The following SUCLG2 variants were observed in gnomAD, a reference collection of about 807,000 sequenced individuals.
SUCLG2 encodes succinate--CoA ligase [GDP-forming] subunit beta, mitochondrial.
In SUCLG2, 42 loss-of-function variants were observed where a neutral mutation model predicts 47.9. The ratio of observed to expected loss-of-function variants is 0.88; its 90% CI spans 0.69 to 1.14. The LOEUF (loss-of-function observed/expected upper bound fraction) is 1.14, where lower values mean the gene tolerates loss of function less well. Among genes scored for constraint, SUCLG2 ranks in the 50% most tolerant of loss-of-function variants. The pLI is 0.00. For missense variants in SUCLG2, 571 were observed against 525.9 expected (o/e 1.09, Z -0.84); for synonymous variants, 195 against 197.3 (o/e 0.99, Z 0.10).
chr3:67,380,070 G>A (rs1206032497), intron 10 of SUCLG2, among the ~76,000 whole-genome samples: 5 of 152,138 alleles, frequency 3.3e-5, no homozygotes, highest in East Asian at 1.9e-4. Context: ...AGGAGTGGGC[G>A]GGTACTTTTT....
intron 10 of SUCLG2, among the ~76,000 whole-genome samples, chr3:67,369,008 G>A (rs534489500): frequency 1.3e-5 from 2 of 152,094 alleles, no homozygotes; most frequent in African/African-American, 2.4e-5. Flanking sequence ...GACATTTTGG[G>A]TAGAAAACTC....
At chr3:67,365,877 T>C (rs113072659) in intron 10 of SUCLG2, among the ~76,000 whole-genome samples, 3 of 152,206 alleles carry the variant, frequency 2.0e-5, no homozygotes, top group Admixed American at 6.5e-5. Context: ...ACAGGCAGTT[T>C]GCGTATTTAA....
intron 2 of SUCLG2, among the ~76,000 whole-genome samples, chr3:67,568,890 A>T (rs952914468): frequency 7.9e-5 from 12 of 152,236 alleles, no homozygotes; most frequent in Non-Finnish European, 1.3e-4. Flanking sequence ...CCGTCTCAAA[A>T]AAAATAAAAT....
chr3:67,652,706 G>A (rs528137570), intron 1 of SUCLG2, among the ~76,000 whole-genome samples: 34 of 152,268 alleles, frequency 2.2e-4, no homozygotes, highest in African/African-American at 8.2e-4. Context: ...TACTCACCAG[G>A]AAACAGCATG....
intron 2 of SUCLG2, among the ~76,000 whole-genome samples, chr3:67,575,327 A>C (rs1017352012): frequency 6.6e-6 from 1 of 152,258 alleles, no homozygotes; most frequent in African/African-American, 2.4e-5. Flanking sequence ...CAGATTATCC[A>C]CATAATAAAA....
At chr3:67,643,427 T>C (rs995714923) in intron 1 of SUCLG2, among the ~76,000 whole-genome samples, 2 of 152,226 alleles carry the variant, frequency 1.3e-5, no homozygotes, top group Non-Finnish European at 2.9e-5. Flanking sequence ...TGAAGTATGC[T>C]GAACTTAAAA....
In SUCLG2 at chr3:67,618,549, G is replaced by C. The variant is rs537268087; in HGVS notation, c.85-8953C>G. On this transcript the variant is annotated intron_variant, in intron 1 of 10. Coordinates refer to ENST00000307227, the MANE Select transcript of SUCLG2 (RefSeq NM_003848.4). ...TAAGTAGCTTGTCTAAGGCCACTCA[G>C]CTGATTAAGAGAGAGTCACGATTTG... Among the ~76,000 whole-genome samples the C allele has an allele frequency of 2.6e-3, 395 of 152,286 alleles. 2 individuals are homozygous for C. Among genetic ancestry groups the C allele is most frequent in the African/African-American group, 9.0e-3 (374 of 41,564 alleles).
intron 9 of SUCLG2, among the ~76,000 whole-genome samples, chr3:67,414,958 T>C (rs1209765178): frequency 1.3e-5 from 2 of 152,166 alleles, no homozygotes; most frequent in Non-Finnish European, 2.9e-5. Context: ...CAGGCTCAAG[T>C]GATCCCACCT....
intron 2 of SUCLG2, among the ~76,000 whole-genome samples, chr3:67,583,118 T>C (rs1269252758): frequency 6.6e-6 from 1 of 152,104 alleles, no homozygotes; most frequent in African/African-American, 2.4e-5. Flanking sequence ...AGCCTCCCAC[T>C]GAGACTCACC....
intron 9 of SUCLG2, among the ~76,000 whole-genome samples, chr3:67,443,253 A>G (rs1703818985): frequency 6.6e-6 from 1 of 152,092 alleles, no homozygotes; most frequent in Non-Finnish European, 1.5e-5. Context: ...CAATTCCCCA[A>G]GGATATTGAG....
chr3:67,360,661 T>A, exon 11 of SUCLG2: 4 of 1,517,618 alleles, frequency 2.6e-6, no homozygotes, highest in Non-Finnish European at 3.5e-6. Context: ...GCACACTTAC[T>A]CAGATTTTGG....
chr3:67,428,053 C>CAA (rs1446837233), intron 9 of SUCLG2, among the ~76,000 whole-genome samples: 1 of 152,210 alleles, frequency 6.6e-6, no homozygotes, highest in African/African-American at 2.4e-5. Context: ...CATAGCTGAA[C>CAA]AAAAGGCAGC....
intron 1 of SUCLG2, among the ~76,000 whole-genome samples, chr3:67,646,171 T>C (rs1001708729): frequency 4.0e-5 from 6 of 151,884 alleles, no homozygotes; most frequent in Non-Finnish European, 7.4e-5. Flanking sequence ...CCAGACACTG[T>C]ACCCAGAGCC....
At chr3:67,564,780 A>G (rs1299587328) in intron 2 of SUCLG2, among the ~76,000 whole-genome samples, 1 of 152,250 alleles carries the variant, frequency 6.6e-6, no homozygotes, top group Non-Finnish European at 1.5e-5. Context: ...TTCTTCCACT[A>G]TGGCCCAAGG....
chr3:67,508,264 A>G (rs1705691685), intron 7 of SUCLG2, among the ~76,000 whole-genome samples: 1 of 152,202 alleles, frequency 6.6e-6, no homozygotes. Context: ...GGCAAACTAA[A>G]GACGTTCGAA....
At chr3:67,397,847 G>C (rs1702583738) in intron 10 of SUCLG2, among the ~76,000 whole-genome samples, 1 of 151,896 alleles carries the variant, frequency 6.6e-6, no homozygotes, top group Admixed American at 6.6e-5. Flanking sequence ...ACAGAACAGA[G>C]CCCTCAGAAA....
At chr3:67,399,414 C>T (rs1256004506) in intron 10 of SUCLG2, among the ~76,000 whole-genome samples, 1 of 152,170 alleles carries the variant, frequency 6.6e-6, no homozygotes, top group Non-Finnish European at 1.5e-5. Context: ...GTTGCTCAGA[C>T]TTGGTTAGCT....
intron 9 of SUCLG2, among the ~76,000 whole-genome samples, chr3:67,487,499 T>TATACACACAC (rs1553649720): frequency 3.9e-4 from 58 of 149,922 alleles, no homozygotes; most frequent in African/African-American, 1.2e-3. Context: ...AACACACATA[T>TATACACACAC]ACACACACAC....
rs79533291 is a variant in SUCLG2 at position 67,515,263 on chromosome 3, G to T, written c.660+2984C>A. ...TAAGTATAAATATCTAGAATATCCA[G>T]AAAAAAAGAGTATATATAGGGTTTG... is the stretch of plus-strand genomic sequence containing the variant. On this transcript the variant is annotated intron_variant, in intron 6 of 10. Transcript: ENST00000307227. Among the ~76,000 whole-genome samples, 1,068 of 152,066 alleles carry T rather than the reference G, an allele frequency of 7.0e-3. 6 individuals are homozygous for T. The highest frequency in any genetic ancestry group is 0.012 in the Non-Finnish European group (813 of 67,972).
Sources: gnomAD v4.1 joint callset for allele counts (sites outside exome capture counted in the v4.1 genomes callset) on GRCh38, gnomAD v4.1.1 for gene constraint, MANE v1.5 for transcripts, NCBI Gene and HGNC (gene_info 2026-07-23, HGNC 2026-07-21) for gene names.